The following DNAJC15 variants were observed in gnomAD, a reference collection of about 807,000 sequenced individuals.
DNAJC15 encodes dnaJ homolog subfamily C member 15.
DNAJC15 carries 27 observed loss-of-function variants against 22.4 expected under a neutral mutation model. The ratio of observed to expected loss-of-function variants is 1.20; its 90% CI spans 0.89 to 1.66. The LOEUF (loss-of-function observed/expected upper bound fraction) is 1.66, where lower values mean the gene tolerates loss of function less well. Ranked by LOEUF, DNAJC15 falls within the 40% of genes most tolerant of loss-of-function variation. The pLI is 0.00. For missense variants in DNAJC15, 208 were observed against 187.1 expected, an observed-to-expected ratio of 1.11 and a Z score of -0.65; for synonymous variants, 79 against 63.2, an observed-to-expected ratio of 1.25 and a Z score of -1.19.
At chr13:43,094,039 A>G (rs1248482469) in intron 5 of DNAJC15, among the ~76,000 whole-genome samples, 1 of 152,244 alleles carries the variant, frequency 6.6e-6, no homozygotes, top group Non-Finnish European at 1.5e-5. Context: ...TCATCTTTTC[A>G]AATAATTGCA....
chr13:43,108,395 C>T lies in DNAJC15; in HGVS notation c.*1147C>T, dbSNP rs1282752334. 6.6e-6 allele frequency: 1 copy of T among 152,168 alleles called. No individual in the cohort carries two copies. Among genetic ancestry groups the T allele is most frequent in the African/African-American group, 2.4e-5 (1 of 41,448 alleles). The allele number at this position is 152,168 out of a possible 1,614,324, so 9.4% of individuals were successfully genotyped here. A position where few individuals can be genotyped will look rare whatever the true frequency, so the allele number is the denominator to read the frequency against. ...TTAAATTAATTTCTTAGAACATAGT[C>T]CCTGATCATTATCACTTTACTATTC... On this transcript the variant is annotated 3_prime_UTR_variant, in exon 6 of 6. Coordinates refer to ENST00000379221, the MANE Select transcript of DNAJC15 (RefSeq NM_013238.3).
intron 1 of DNAJC15, among the ~76,000 whole-genome samples, chr13:43,038,413 G>A (rs190350261): frequency 4.1e-4 from 62 of 152,258 alleles, no homozygotes; most frequent in African/African-American, 1.5e-3. Flanking sequence ...CCCATCCAGA[G>A]GAAAAGCTGA....
In DNAJC15 at chr13:43,074,048, A is replaced by G. The variant is rs777640559; in HGVS notation, c.235-4564A>G. 1.1e-3 allele frequency among the ~76,000 whole-genome samples: 174 copies of G among 151,492 alleles called. 2 individuals are homozygous for G. Among genetic ancestry groups the G allele is most frequent in the Non-Finnish European group, 6.5e-4 (44 of 67,860 alleles). On this transcript the variant is annotated intron_variant, in intron 3 of 5. Transcript: ENST00000379221. ...TTTTAAATTGCATTTATTTTGTTTT[A>G]TGATCAAGTGAAATTTATGGAAAAA...
intron 1 of DNAJC15, among the ~76,000 whole-genome samples, chr13:43,063,826 CAA>C (rs1268810977): frequency 2.0e-5 from 3 of 152,070 alleles, no homozygotes; most frequent in East Asian, 1.9e-4. Context: ...AAAGAATAAA[CAA>C]AATTATAAGG....
intron 1 of DNAJC15, among the ~76,000 whole-genome samples, chr13:43,039,313 G>A (rs1435887511): frequency 6.6e-6 from 1 of 152,146 alleles, no homozygotes. Context: ...AGTCAGAAAT[G>A]TCAACAAAAC....
chr13:43,061,102 G>C (rs957386595), intron 1 of DNAJC15, among the ~76,000 whole-genome samples: 2 of 152,160 alleles, frequency 1.3e-5, no homozygotes, highest in Non-Finnish European at 2.9e-5. Flanking sequence ...GGAAATGAGA[G>C]GTTCTAAGAG....
At chr13:43,043,230 C>T (rs2040461791) in intron 1 of DNAJC15, among the ~76,000 whole-genome samples, 4 of 152,184 alleles carry the variant, frequency 2.6e-5, no homozygotes, top group Admixed American at 2.0e-4. Context: ...CCCTCAGCCT[C>T]CCCAGTAGCT....
At chr13:43,107,138 G>T in intron 5 of DNAJC15, 40 bp from the exon 6 acceptor site, 1 of 1,495,932 alleles carries the variant, frequency 6.7e-7, no homozygotes, top group Non-Finnish European at 9.0e-7. Flanking sequence ...GTATGTCAAT[G>T]ATGAAATGTA....
intron 2 of DNAJC15, among the ~76,000 whole-genome samples, chr13:43,067,974 T>G (rs886572182): frequency 2.0e-5 from 3 of 152,162 alleles, no homozygotes; most frequent in Non-Finnish European, 2.9e-5. Context: ...ATTTTCCCAT[T>G]TCTGGCATCC....
intron 2 of DNAJC15, among the ~76,000 whole-genome samples, 192 bp downstream of exon 2, chr13:43,065,929 GAA>G (rs2040581471): frequency 6.6e-6 from 1 of 152,114 alleles, no homozygotes; most frequent in South Asian, 2.1e-4. Flanking sequence ...TTATAGGGAA[GAA>G]AATTAGTGAT....
chr13:43,049,178 G>A (rs2040491796), intron 1 of DNAJC15, among the ~76,000 whole-genome samples: 1 of 152,068 alleles, frequency 6.6e-6, no homozygotes, highest in African/African-American at 2.4e-5. Context: ...ATTTAACCTG[G>A]TTATTGCCTA....
At chr13:43,059,347 A>G (rs971931672) in intron 1 of DNAJC15, among the ~76,000 whole-genome samples, 4 of 152,148 alleles carry the variant, frequency 2.6e-5, no homozygotes, top group African/African-American at 7.2e-5. Flanking sequence ...GATATCCTTC[A>G]GTGAGCTCAT....
chr13:43,065,133 G>T (rs544588778), intron 1 of DNAJC15, among the ~76,000 whole-genome samples: 2 of 152,228 alleles, frequency 1.3e-5, no homozygotes, highest in East Asian at 3.9e-4. Flanking sequence ...ATCAGAATTA[G>T]CTTATATCTG....
intron 1 of DNAJC15, among the ~76,000 whole-genome samples, chr13:43,053,645 G>C (rs1053293463): frequency 6.7e-6 from 1 of 150,118 alleles, no homozygotes; most frequent in African/African-American, 2.5e-5. Flanking sequence ...ATATTCCTTT[G>C]TAATTTTTTG....
chr13:43,056,852 T>C (rs1357824883), intron 1 of DNAJC15, among the ~76,000 whole-genome samples: 1 of 152,220 alleles, frequency 6.6e-6, no homozygotes, highest in African/African-American at 2.4e-5. Flanking sequence ...TTGGTGTCCA[T>C]TGTCATGGAA....
chr13:43,043,888 A>T (rs2040464856), intron 1 of DNAJC15, among the ~76,000 whole-genome samples: 2 of 152,240 alleles, frequency 1.3e-5, no homozygotes, highest in African/African-American at 2.4e-5. Context: ...TGGAACAATA[A>T]TGGTAAAGGT....
intron 5 of DNAJC15, among the ~76,000 whole-genome samples, chr13:43,092,694 T>C (rs984457846): frequency 1.3e-5 from 2 of 152,176 alleles, no homozygotes; most frequent in African/African-American, 4.8e-5. Flanking sequence ...GGAGGATTGC[T>C]TGGGCTCAGG....
At chr13:43,081,171 G>A (rs2040659822) in intron 4 of DNAJC15, among the ~76,000 whole-genome samples, 1 of 152,138 alleles carries the variant, frequency 6.6e-6, no homozygotes, top group Non-Finnish European at 1.5e-5. Context: ...ACTCATGTCT[G>A]TAACAAAAAG....
intron 1 of DNAJC15, among the ~76,000 whole-genome samples, chr13:43,025,747 T>C (rs2040377760): frequency 6.6e-6 from 1 of 151,972 alleles, no homozygotes; most frequent in East Asian, 1.9e-4. Flanking sequence ...CTACTAAAAA[T>C]ACAAAAATTA....
Sources: gnomAD v4.1 joint callset for allele counts (sites outside exome capture counted in the v4.1 genomes callset) on GRCh38, gnomAD v4.1.1 for gene constraint, MANE v1.5 for transcripts, NCBI Gene and HGNC (gene_info 2026-07-23, HGNC 2026-07-21) for gene names.